PLEKHH2: variants seen among roughly 807,000 people sequenced by gnomAD.
PLEKHH2 encodes pleckstrin homology domain-containing family H member 2.
Under a neutral mutation model 187.9 loss-of-function variants are expected in PLEKHH2, and 129 were observed. That is an observed-to-expected ratio of 0.69 (90% CI 0.59 to 0.79). PLEKHH2 has a LOEUF of 0.79. Among genes scored for constraint, PLEKHH2 ranks in the 30% least tolerant of loss-of-function variants. The probability of loss-of-function intolerance (pLI) is 0.00; values close to 1 mark genes in which losing one functional copy is unlikely to be tolerated. For missense variants in PLEKHH2, 2,076 were observed against 1,751.2 expected (o/e 1.19, Z -3.31); for synonymous variants, 686 against 605.6 (o/e 1.13, Z -1.95).
At chr2:43,753,277 A>G (rs1306070403) in intron 24 of PLEKHH2, among the ~76,000 whole-genome samples, 2 of 152,160 alleles carry the variant, frequency 1.3e-5, no homozygotes, top group Non-Finnish European at 2.9e-5. Flanking sequence ...ATTTTTATTT[A>G]TATTTAAAGT....
At chr2:43,655,932 A>G (rs944868714) in intron 2 of PLEKHH2, among the ~76,000 whole-genome samples, 4 of 151,800 alleles carry the variant, frequency 2.6e-5, no homozygotes, top group African/African-American at 7.3e-5. Context: ...TTAATACTTC[A>G]TCATCTATTT....
At chr2:43,687,962 A>G (rs565729605) in intron 3 of PLEKHH2, among the ~76,000 whole-genome samples, 5 of 152,088 alleles carry the variant, frequency 3.3e-5, no homozygotes, top group South Asian at 4.1e-4. Flanking sequence ...ATACTCAGCT[A>G]ATATTTTAGA....
At chr2:43,697,667 G>C (rs963190763) in intron 7 of PLEKHH2, among the ~76,000 whole-genome samples, 1 of 152,100 alleles carries the variant, frequency 6.6e-6, no homozygotes, top group African/African-American at 2.4e-5. Context: ...TGTTTTAGCT[G>C]AGTTTCAGAT....
At chr2:43,652,664 C>G (rs1302607804) in intron 2 of PLEKHH2, among the ~76,000 whole-genome samples, 9 of 152,212 alleles carry the variant, frequency 5.9e-5, no homozygotes, top group Non-Finnish European at 1.3e-4. Flanking sequence ...TTCTGGTTAA[C>G]AAACCCCACA....
Position 43,678,803 on chromosome 2 carries a change from T to C in PLEKHH2, c.124-60T>C, listed in dbSNP as rs927700904. 9 of 1,339,006 alleles carry C rather than the reference T, an allele frequency of 6.7e-6. No homozygotes were observed. The African/African-American group carries it at 1.2e-4, about 18-fold the overall frequency. The allele number at this position is 1,339,006 out of a possible 1,614,324, so 82.9% of individuals were successfully genotyped here. On this transcript the variant is annotated intron_variant, in intron 2 of 29. Transcript: ENST00000282406. The stretch of plus-strand genomic sequence containing the variant: ...AATTATGAGATTTTTAAAGCCTTTT[T>C]CAGAAAGGCTCATTTTTCAAAAATA...
At chr2:43,675,838 G>C (rs762257491) in intron 2 of PLEKHH2, 1 of 1,613,964 alleles carries the variant, frequency 6.2e-7, no homozygotes, top group South Asian at 1.1e-5. Flanking sequence ...GAAGGGCTGG[G>C]ATGCATCCCT....
intron 2 of PLEKHH2, among the ~76,000 whole-genome samples, chr2:43,651,233 C>A (rs979556797): frequency 6.6e-6 from 1 of 151,466 alleles, no homozygotes; most frequent in South Asian, 2.1e-4. Context: ...CCTGCCTCAA[C>A]CATTGTTGTA....
intron 2 of PLEKHH2, among the ~76,000 whole-genome samples, chr2:43,656,507 G>A (rs1399765769): frequency 1.3e-5 from 2 of 152,002 alleles, no homozygotes; most frequent in African/African-American, 4.8e-5. Flanking sequence ...GGCTTCCAGT[G>A]GAATGATGAC....
intron 2 of PLEKHH2, among the ~76,000 whole-genome samples, chr2:43,670,583 A>C (rs922681540): frequency 6.6e-6 from 1 of 152,000 alleles, no homozygotes; most frequent in Non-Finnish European, 1.5e-5. Flanking sequence ...TACTATTGGC[A>C]ATTTTATAAG....
In PLEKHH2 at chr2:43,693,551, C is replaced by T. The variant is rs1028447625; in HGVS notation, c.337-880C>T. The stretch of plus-strand genomic sequence containing the variant: ...CCATCTGGCTAACATGGTGAAATCC[C>T]GTCTCTGCTAAAAGTACAAAAAATT... On this transcript the variant is annotated intron_variant, in intron 4 of 29. Coordinates refer to ENST00000282406, the MANE Select transcript of PLEKHH2 (RefSeq NM_172069.4). 7.9e-5 allele frequency among the ~76,000 whole-genome samples: 12 copies of T among 151,828 alleles called. No individual in the cohort carries two copies. The Middle Eastern group carries it at 0.017, about 215-fold the overall frequency.
At chr2:43,756,468 A>G (rs1672214963) in intron 25 of PLEKHH2, among the ~76,000 whole-genome samples, 1 of 152,028 alleles carries the variant, frequency 6.6e-6, no homozygotes, top group Non-Finnish European at 1.5e-5. Flanking sequence ...GTTGCCTTTT[A>G]TTTTTAACAT....
In PLEKHH2 at chr2:43,764,260, A is replaced by G; in HGVS notation, c.4191A>G (p.Leu1397=). The change falls in exon 29 of 30, where the codon CTA becomes CTG. Residue 1397 remains leucine, a synonymous_variant. Coordinates refer to ENST00000282406, the MANE Select transcript of PLEKHH2 (RefSeq NM_172069.4). ...TAGTCAGCTATGTGTACAAGAGTCT[A>G]ATGACCTTTGGAGGCTATCAAGATG... ...RLIVSYVYKS[L]MTFGGYQDDF... is the part of the protein sequence containing the mutation. The G allele has an allele frequency of 1.3e-6, 2 of 1,568,116 alleles. No homozygotes were observed. Among genetic ancestry groups the G allele is most frequent in the Non-Finnish European group, 1.7e-6 (2 of 1,154,640 alleles).
chr2:43,728,107 T>A (rs1299145565), intron 17 of PLEKHH2, among the ~76,000 whole-genome samples: 1 of 152,284 alleles, frequency 6.6e-6, no homozygotes, highest in East Asian at 1.9e-4. Flanking sequence ...GAAAGTACTT[T>A]GAAAATATGT....
At chr2:43,702,874 C>T (rs1286582335) in intron 8 of PLEKHH2, among the ~76,000 whole-genome samples, 1 of 152,158 alleles carries the variant, frequency 6.6e-6, no homozygotes, top group Non-Finnish European at 1.5e-5. Context: ...ATTGCCCCTG[C>T]TCCCAGTGGC....
At chr2:43,738,627 A>C (rs1189017087) in intron 20 of PLEKHH2, 107 bp downstream of exon 20, 49 of 1,116,242 alleles carry the variant, frequency 4.4e-5, no homozygotes, top group Non-Finnish European at 5.7e-5. Flanking sequence ...CAAAAAGTGC[A>C]GAAGGAAAAA....
At chr2:43,648,429 C>T (rs762775842) in intron 2 of PLEKHH2, among the ~76,000 whole-genome samples, 13 of 151,844 alleles carry the variant, frequency 8.6e-5, no homozygotes, top group Middle Eastern at 3.2e-3. Context: ...CCTTGTGATC[C>T]GCCCGCCTTA....
chr2:43,660,281 A>G (rs1187836623), intron 2 of PLEKHH2, among the ~76,000 whole-genome samples: 1 of 152,252 alleles, frequency 6.6e-6, no homozygotes, highest in Non-Finnish European at 1.5e-5. Context: ...TCCATTCACT[A>G]GTTGATGGTC....
At chr2:43,744,605 C>T (rs1012892398) in intron 23 of PLEKHH2, among the ~76,000 whole-genome samples, 5 of 152,224 alleles carry the variant, frequency 3.3e-5, no homozygotes, top group South Asian at 2.1e-4. Flanking sequence ...CAGTGGCTTA[C>T]GCCTGTAATC....
chr2:43,676,449 T>C, intron 2 of PLEKHH2: 1 of 690,034 alleles, frequency 1.4e-6, no homozygotes, highest in Non-Finnish European at 2.3e-6. Context: ...AGGTCGCTTC[T>C]CGGTGGCGTA....
Sources: gnomAD v4.1 joint callset for allele counts (sites outside exome capture counted in the v4.1 genomes callset) on GRCh38, gnomAD v4.1.1 for gene constraint, MANE v1.5 for transcripts, NCBI Gene and HGNC (gene_info 2026-07-23, HGNC 2026-07-21) for gene names.